The following IL1RAPL1 variants were observed in gnomAD, a reference collection of about 807,000 sequenced individuals.
IL1RAPL1 encodes the protein interleukin 1 receptor accessory protein like 1.
IL1RAPL1 carries 3 observed loss-of-function variants against 48.4 expected under a neutral mutation model. The observed-to-expected ratio is 0.06, with a 90% CI of 0.03 to 0.16. IL1RAPL1 has a LOEUF of 0.16. IL1RAPL1 is among the 10% of genes least tolerant of loss of function. The pLI is 1.00. For synonymous variants in IL1RAPL1, 185 were observed against 187.7 expected (o/e 0.99, Z 0.12); for missense variants, 349 against 530.6 (o/e 0.66, Z 3.36).
At chrX:29,818,468 C>G (rs1400778415) in intron 6 of IL1RAPL1, among the ~76,000 whole-genome samples, 1 of 112,658 alleles carries the variant, frequency 8.9e-6, no homozygotes, top group Admixed American at 9.4e-5. Context: ...TTCACAGCCT[C>G]TCTTGCAGCT....
intron 1 of IL1RAPL1, among the ~76,000 whole-genome samples, chrX:28,626,481 A>T (rs1333564260): frequency 8.9e-6 from 1 of 111,974 alleles, no homozygotes; most frequent in Non-Finnish European, 1.9e-5. Flanking sequence ...TGTGTTTCTT[A>T]TATAATTATT....
intron 3 of IL1RAPL1, among the ~76,000 whole-genome samples, chrX:29,307,126 G>A (rs1482066936): frequency 9.0e-6 from 1 of 111,087 alleles, no homozygotes; most frequent in Non-Finnish European, 1.9e-5. Context: ...CTGTACTGGT[G>A]TCTGTGCTAT....
At chrX:29,054,780 C>A (rs767316799) in intron 2 of IL1RAPL1, among the ~76,000 whole-genome samples, 1 of 111,897 alleles carries the variant, frequency 8.9e-6, no homozygotes, top group African/African-American at 3.2e-5. Context: ...TTTCGACACA[C>A]GTGACATACT....
chrX:29,913,409 T>C (rs369967639), intron 6 of IL1RAPL1, among the ~76,000 whole-genome samples: 33 of 70,325 alleles, frequency 4.7e-4, no homozygotes, highest in South Asian at 9.4e-4. Context: ...CACACACATA[T>C]ATACACATAT....
At chrX:29,176,129 TG>T (rs1441344865) in intron 2 of IL1RAPL1, among the ~76,000 whole-genome samples, 1 of 98,879 alleles carries the variant, frequency 1.0e-5, no homozygotes, top group Admixed American at 1.1e-4. Flanking sequence ...AGTCTTGCTC[TG>T]CCGCCCAGGC....
At chrX:28,738,418 G>C (rs913097797) in intron 1 of IL1RAPL1, among the ~76,000 whole-genome samples, 1 of 111,786 alleles carries the variant, frequency 8.9e-6, no homozygotes, top group Non-Finnish European at 1.9e-5. Context: ...AGTAGGTGAT[G>C]ATTGTAATAG....
At chrX:29,136,221 A>G (rs758365991) in intron 2 of IL1RAPL1, among the ~76,000 whole-genome samples, 2 of 101,385 alleles carry the variant, frequency 2.0e-5, no homozygotes, top group South Asian at 4.5e-4. Context: ...TCCGCCTCCC[A>G]GGTTCAAGTG....
chrX:28,834,359 T>A lies in IL1RAPL1; in HGVS notation c.82+44934T>A, dbSNP rs187435855. The stretch of plus-strand genomic sequence containing the variant: ...TTCATTTTTATTTCTTTATTGAGTT[T>A]TTTCACATAAATACACAGTAATTTT... On this transcript the variant is annotated intron_variant, in intron 2 of 10. Coordinates refer to ENST00000378993, the MANE Select transcript of IL1RAPL1 (RefSeq NM_014271.4). Among the ~76,000 whole-genome samples the A allele has an allele frequency of 2.7e-5, 3 of 111,662 alleles. No homozygotes were observed. In the East Asian group the frequency reaches 8.5e-4, roughly 32 times the overall value.
chrX:29,882,443 A>G (rs190282696), intron 6 of IL1RAPL1, among the ~76,000 whole-genome samples: 159 of 112,029 alleles, frequency 1.4e-3, no homozygotes, highest in African/African-American at 4.8e-3. Context: ...CTGGAATAAT[A>G]CTAGTACTGA....
intron 6 of IL1RAPL1, among the ~76,000 whole-genome samples, chrX:29,904,366 A>C (rs909067452): frequency 1.2e-5 from 1 of 83,507 alleles, no homozygotes; most frequent in Non-Finnish European, 2.6e-5. Flanking sequence ...TTCTTTTTTT[A>C]ATTTTAATTT....
chrX:28,626,808 ATCAT>A (rs779158466), intron 1 of IL1RAPL1, among the ~76,000 whole-genome samples: 233 of 112,465 alleles, frequency 2.1e-3, no homozygotes, highest in Non-Finnish European at 3.2e-3. Flanking sequence ...CCCTGATGTG[ATCAT>A]TCATTTTGCT....
chrX:29,550,537 A>G (rs1040795850), intron 5 of IL1RAPL1, among the ~76,000 whole-genome samples: 1 of 112,002 alleles, frequency 8.9e-6, no homozygotes, highest in Non-Finnish European at 1.9e-5. Context: ...CCTCTGCCCT[A>G]TTAAAAATGG....
At chrX:29,568,356 T>G (rs1424506422) in intron 5 of IL1RAPL1, among the ~76,000 whole-genome samples, 2 of 108,340 alleles carry the variant, frequency 1.8e-5, no homozygotes, top group African/African-American at 6.7e-5. Context: ...ATTTATGTAC[T>G]AGATAATTAA....
chrX:29,586,549 A>G (rs1923169092), intron 5 of IL1RAPL1, among the ~76,000 whole-genome samples: 1 of 111,895 alleles, frequency 8.9e-6, no homozygotes, highest in Non-Finnish European at 1.9e-5. Context: ...TATGAATTGT[A>G]GAATTTTTTT....
chrX:29,589,104 A>G (rs1469608473), intron 5 of IL1RAPL1, among the ~76,000 whole-genome samples: 1 of 111,841 alleles, frequency 8.9e-6, no homozygotes, highest in Admixed American at 9.5e-5. Context: ...ATCCCCAGGT[A>G]TTTGGAAGAA....
chrX:29,701,075 C>G (rs1927036983), intron 6 of IL1RAPL1, among the ~76,000 whole-genome samples: 2 of 111,599 alleles, frequency 1.8e-5, no homozygotes, highest in Non-Finnish European at 3.8e-5. Flanking sequence ...TTGCTCTACC[C>G]AAATTTTCAA....
chrX:29,936,801 G>C (rs1276137499), intron 8 of IL1RAPL1, among the ~76,000 whole-genome samples: 1 of 111,691 alleles, frequency 9.0e-6, no homozygotes, highest in African/African-American at 3.2e-5. Flanking sequence ...AATATACTAA[G>C]AGATGGCACG....
chrX:29,925,183 T>G (rs762617635), intron 8 of IL1RAPL1, among the ~76,000 whole-genome samples: 1 of 110,504 alleles, frequency 9.0e-6, no homozygotes, highest in Non-Finnish European at 1.9e-5. Context: ...ACCTCCTACC[T>G]CTCTTTATGG....
intron 6 of IL1RAPL1, among the ~76,000 whole-genome samples, chrX:29,850,367 C>T (rs1931338583): frequency 8.9e-6 from 1 of 112,130 alleles, no homozygotes; most frequent in South Asian, 3.7e-4. Context: ...TTAGGCATAG[C>T]CATGTGTTTC....
Sources: allele counts gnomAD v4.1 joint callset (sites outside exome capture counted in the v4.1 genomes callset), GRCh38; gene constraint gnomAD v4.1.1; transcripts MANE v1.5; gene names NCBI Gene and HGNC (gene_info 2026-07-23, HGNC 2026-07-21).